Variants in RAPGEF5 observed in about 807,000 individuals in gnomAD.
RAPGEF5 encodes Rap guanine nucleotide exchange factor 5.
A neutral mutation model predicts 125.2 loss-of-function variants in RAPGEF5; 65 were observed. That is an observed-to-expected ratio of 0.52 (90% CI 0.43 to 0.64). RAPGEF5 has a LOEUF of 0.64. RAPGEF5 is among the 30% of genes least tolerant of loss of function. RAPGEF5 has a pLI of 0.00. For synonymous variants in RAPGEF5, 391 were observed against 385.9 expected (o/e 1.01, Z -0.16); for missense variants, 958 against 1,048.1 (o/e 0.91, Z 1.19).
At chr7:22,162,782 GCTGCT>G (rs1784048312) in intron 12 of RAPGEF5, among the ~76,000 whole-genome samples, 1 of 152,194 alleles carries the variant, frequency 6.6e-6, no homozygotes, top group Non-Finnish European at 1.5e-5. Context: ...TTCACTGACA[GCTGCT>G]GACATGGTTT....
At chr7:22,250,220 A>G (rs966616758) in intron 7 of RAPGEF5, among the ~76,000 whole-genome samples, 2 of 152,192 alleles carry the variant, frequency 1.3e-5, no homozygotes, top group Admixed American at 1.3e-4. Context: ...CTTAATCACT[A>G]TATGACAGTA....
At chr7:22,158,996 T>C (rs1425674663) in intron 14 of RAPGEF5, among the ~76,000 whole-genome samples, 1 of 152,212 alleles carries the variant, frequency 6.6e-6, no homozygotes, top group East Asian at 1.9e-4. Context: ...TGTGTAGCTT[T>C]TAAAATGGAA....
At chr7:22,151,041 G>A (rs896355126) in intron 17 of RAPGEF5, among the ~76,000 whole-genome samples, 5 of 152,088 alleles carry the variant, frequency 3.3e-5, no homozygotes, top group South Asian at 2.1e-4. Context: ...CATATGTCAT[G>A]TTTAATTGGT....
At chr7:22,268,123 T>C (rs1782328168) in intron 6 of RAPGEF5, among the ~76,000 whole-genome samples, 1 of 152,224 alleles carries the variant, frequency 6.6e-6, no homozygotes, top group Non-Finnish European at 1.5e-5. Context: ...CTTTCCCTGA[T>C]GGGCTAAGTG....
At chr7:22,299,218 T>C (rs1783139170) in intron 5 of RAPGEF5, among the ~76,000 whole-genome samples, 1 of 152,180 alleles carries the variant, frequency 6.6e-6, no homozygotes, top group Non-Finnish European at 1.5e-5. Context: ...AATCTATCGA[T>C]ATTCCTCTAA....
intron 6 of RAPGEF5, among the ~76,000 whole-genome samples, chr7:22,280,875 T>G (rs1238682540): frequency 2.0e-5 from 3 of 152,202 alleles, no homozygotes; most frequent in African/African-American, 4.8e-5. Context: ...TCAAACAATC[T>G]AGGTGAGGAA....
intron 12 of RAPGEF5, 102 bp from the exon 13 acceptor site, chr7:22,162,643 T>C: frequency 1.7e-6 from 2 of 1,147,470 alleles, no homozygotes; most frequent in Non-Finnish European, 2.5e-6. Context: ...TACAAGTGTA[T>C]AAACATGCAG....
intron 6 of RAPGEF5, among the ~76,000 whole-genome samples, chr7:22,283,799 A>G (rs1052206351): frequency 6.6e-6 from 1 of 152,210 alleles, no homozygotes; most frequent in Non-Finnish European, 1.5e-5. Flanking sequence ...AACATGCACA[A>G]TCCTCTTTCC....
intron 7 of RAPGEF5, among the ~76,000 whole-genome samples, chr7:22,235,912 G>C (rs550888008): frequency 2.0e-5 from 3 of 152,010 alleles, no homozygotes; most frequent in Non-Finnish European, 4.4e-5. Context: ...TAAAAAGGAA[G>C]AAAAAAGGTA....
At chr7:22,228,231 G>A (rs1484707941) in intron 8 of RAPGEF5, among the ~76,000 whole-genome samples, 4 of 152,172 alleles carry the variant, frequency 2.6e-5, no homozygotes, top group African/African-American at 9.7e-5. Context: ...CAGTTTGCAT[G>A]CTGTTTAAAG....
intron 5 of RAPGEF5, among the ~76,000 whole-genome samples, chr7:22,296,555 G>A (rs941251338): frequency 6.6e-5 from 10 of 151,878 alleles, no homozygotes; most frequent in African/African-American, 2.4e-4. Context: ...GGTGATTAGG[G>A]CAGGTGAAAA....
rs1221182725 is a variant in RAPGEF5, at chr7:22,326,293, TA to T, written c.232-8257del. Among the ~76,000 whole-genome samples the T allele has an allele frequency of 2.0e-5, 3 of 152,300 alleles. No individual in the cohort carries two copies. The East Asian group carries it at 5.8e-4, about 29-fold the overall frequency. On this transcript the variant is annotated intron_variant, in intron 1 of 25. Coordinates refer to ENST00000665637, the MANE Select transcript of RAPGEF5 (RefSeq NM_012294.5). ...CTCCGGGGGTCACCAGGCCTTCCTC[TA>T]AACGATGTGAGACAGTGGGGATGGA...
At chr7:22,269,703 T>C (rs1782372627) in intron 6 of RAPGEF5, among the ~76,000 whole-genome samples, 1 of 152,224 alleles carries the variant, frequency 6.6e-6, no homozygotes, top group Non-Finnish European at 1.5e-5. Flanking sequence ...TCTGAGCAAT[T>C]ACACAAACAG....
Position 22,140,086 on chromosome 7 carries a change from A to G in RAPGEF5, c.2216T>C (p.Phe739Ser). The G allele has an allele frequency of 1.3e-6, 2 of 1,563,990 alleles. No homozygotes were observed. Among genetic ancestry groups the G allele is most frequent in the Non-Finnish European group, 1.7e-6 (2 of 1,153,810 alleles). Residue 739 changes from phenylalanine to serine, a missense_variant, in exon 21 of 26, where the codon TTC becomes TCC. Phe to Ser is a radical substitution (Grantham distance 155). Transcript: ENST00000665637. ...GTTGAGACCCATCACAATGGCAAAG[A>G]AAGAATTCAGGTTTCTCTGGGCTTT... ...HCKAQRNLNS[F>S]FAIVMGLNTA...
chr7:22,193,243 CA>C, intron 11 of RAPGEF5, 123 bp downstream of exon 11: 1 of 1,064,010 alleles, frequency 9.4e-7, no homozygotes, highest in Non-Finnish European at 1.3e-6. Context: ...GGACGAGTCG[CA>C]CAAAGCATAT....
chr7:22,296,517 C>T (rs1726931086), intron 5 of RAPGEF5, among the ~76,000 whole-genome samples: 1 of 152,096 alleles, frequency 6.6e-6, no homozygotes, highest in African/African-American at 2.4e-5. Context: ...ATAGGGACTG[C>T]CCCTAACTGT....
intron 12 of RAPGEF5, among the ~76,000 whole-genome samples, chr7:22,163,994 T>C (rs1784085203): frequency 6.6e-6 from 1 of 152,188 alleles, no homozygotes; most frequent in South Asian, 2.1e-4. Flanking sequence ...AAAAAAAATC[T>C]GTTTCTATTT....
At chr7:22,275,426 A>G (rs1782534089) in intron 6 of RAPGEF5, among the ~76,000 whole-genome samples, 1 of 152,206 alleles carries the variant, frequency 6.6e-6, no homozygotes, top group South Asian at 2.1e-4. Context: ...TGTAGGGGGA[A>G]CATGATCATT....
At chr7:22,154,351 G>T (rs11770743) in intron 17 of RAPGEF5, 104 bp downstream of exon 17, 7 of 1,308,962 alleles carry the variant, frequency 5.3e-6, no homozygotes, top group Non-Finnish European at 7.3e-6. Context: ...CCAGCTGCGG[G>T]CCCAGAAGGG....
Sources: allele counts gnomAD v4.1 joint callset (sites outside exome capture counted in the v4.1 genomes callset), GRCh38; gene constraint gnomAD v4.1.1; transcripts MANE v1.5; gene names NCBI Gene and HGNC (gene_info 2026-07-23, HGNC 2026-07-21).